RHOBTB1: variants seen among roughly 807,000 people sequenced by gnomAD.
RHOBTB1 encodes rho-related BTB domain-containing protein 1.
A neutral mutation model predicts 71.6 loss-of-function variants in RHOBTB1; 40 were observed. The observed-to-expected ratio is 0.56, with a 90% confidence interval of 0.43 to 0.73. The LOEUF (loss-of-function observed/expected upper bound fraction) is 0.73, where lower values mean the gene tolerates loss of function less well. RHOBTB1 is among the 30% of genes least tolerant of loss of function. The probability of loss-of-function intolerance (pLI) is 0.00; values close to 1 mark genes in which losing one functional copy is unlikely to be tolerated. For synonymous variants in RHOBTB1, 319 were observed against 334.9 expected, an observed-to-expected ratio of 0.95 and a Z score of 0.52; for missense variants, 797 against 894.0, an observed-to-expected ratio of 0.89 and a Z score of 1.38.
At chr10:60,920,635 T>A (rs1168947396) in intron 2 of RHOBTB1, among the ~76,000 whole-genome samples, 2 of 151,802 alleles carry the variant, frequency 1.3e-5, no homozygotes, top group Non-Finnish European at 2.9e-5. Flanking sequence ...TTTTTTTTTT[T>A]TAAGTTTTGT....
At chr10:60,874,485 A>AGG (rs1333585255) in intron 9 of RHOBTB1, among the ~76,000 whole-genome samples, 1 of 152,216 alleles carries the variant, frequency 6.6e-6, no homozygotes, top group Non-Finnish European at 1.5e-5. Flanking sequence ...CTGGAAGAAG[A>AGG]GGGCAAGTCT....
intron 2 of RHOBTB1, among the ~76,000 whole-genome samples, chr10:60,983,389 A>AT (rs2086565315): frequency 6.6e-6 from 1 of 152,190 alleles, no homozygotes; most frequent in Non-Finnish European, 1.5e-5. Flanking sequence ...GGCATCAAAA[A>AT]TTGTTTTTCT....
chr10:60,900,535 T>C (rs1016256233), intron 4 of RHOBTB1, among the ~76,000 whole-genome samples: 4 of 152,214 alleles, frequency 2.6e-5, no homozygotes, highest in African/African-American at 9.7e-5. Context: ...TTTTCCACCG[T>C]ACTATGAGGT....
chr10:60,959,880 T>C (rs947663966), intron 2 of RHOBTB1, among the ~76,000 whole-genome samples: 1 of 152,200 alleles, frequency 6.6e-6, no homozygotes, highest in Non-Finnish European at 1.5e-5. Flanking sequence ...CTTTGAAGAT[T>C]AAATACAATT....
At chr10:60,877,450 G>A (rs115910550) in intron 8 of RHOBTB1, among the ~76,000 whole-genome samples, 2,595 of 152,314 alleles carry the variant, frequency 0.017, 82 homozygotes, top group African/African-American at 0.058. Context: ...ACAGGACAAA[G>A]TCACCTGGTC....
intron 2 of RHOBTB1, among the ~76,000 whole-genome samples, chr10:60,913,535 G>A (rs1003927571): frequency 6.6e-6 from 1 of 152,168 alleles, no homozygotes; most frequent in Non-Finnish European, 1.5e-5. Context: ...GTATAACATA[G>A]CAAAAGCATG....
intron 2 of RHOBTB1, among the ~76,000 whole-genome samples, chr10:60,931,562 A>T (rs1292166465): frequency 1.8e-4 from 28 of 152,208 alleles, no homozygotes; most frequent in Admixed American, 1.8e-3. Flanking sequence ...TTACTTCTAT[A>T]ATGAGAAAGA....
intron 5 of RHOBTB1, among the ~76,000 whole-genome samples, chr10:60,891,983 C>G (rs755475506): frequency 6.6e-6 from 1 of 152,172 alleles, no homozygotes; most frequent in African/African-American, 2.4e-5. Flanking sequence ...TTGCTCGGTT[C>G]TCATTCTTCT....
At chr10:60,899,850 A>G (rs565264276) in intron 4 of RHOBTB1, among the ~76,000 whole-genome samples, 14 of 152,350 alleles carry the variant, frequency 9.2e-5, no homozygotes, top group African/African-American at 3.1e-4. Flanking sequence ...ATTAGAAAAT[A>G]AAGCAGGGAA....
At chr10:60,862,536 C>T in the RHOBTB1 span, among the ~76,000 whole-genome samples, 2,057 of 104,154 alleles carry the variant, frequency 0.02, 26 homozygotes, top group East Asian at 0.041. Flanking sequence ...CCCTTTCTTT[C>T]TCTTTCTTTC....
At chr10:60,865,271 T>C (rs2080631605), downstream of RHOBTB1, among the ~76,000 whole-genome samples, 1 of 152,248 alleles carries the variant, frequency 6.6e-6, no homozygotes, top group Non-Finnish European at 1.5e-5. Flanking sequence ...TTAGATTTCA[T>C]ATGTAAAATA....
At chr10:60,906,895 C>T (rs2082707557) in intron 4 of RHOBTB1, among the ~76,000 whole-genome samples, 2 of 152,338 alleles carry the variant, frequency 1.3e-5, no homozygotes, top group East Asian at 1.9e-4. Flanking sequence ...ACCCAAATCT[C>T]GAATCGTAGC....
At chr10:60,980,719 T>C (rs1325875602) in intron 2 of RHOBTB1, among the ~76,000 whole-genome samples, 3 of 152,202 alleles carry the variant, frequency 2.0e-5, no homozygotes, top group African/African-American at 7.2e-5. Flanking sequence ...TAAACATTGA[T>C]GAAAGGTGAA....
intron 2 of RHOBTB1, among the ~76,000 whole-genome samples, chr10:60,924,094 A>C (rs1278397727): frequency 1.3e-5 from 2 of 152,138 alleles, no homozygotes; most frequent in Non-Finnish European, 2.9e-5. Context: ...ACAATGGAAG[A>C]CTCCAAATCT....
At chr10:60,972,308 TG>T (rs1470867424) in intron 2 of RHOBTB1, among the ~76,000 whole-genome samples, 1 of 152,100 alleles carries the variant, frequency 6.6e-6, no homozygotes, top group East Asian at 1.9e-4. Context: ...CATGATAGAC[TG>T]GATAAAGAAA....
At chr10:60,958,010 T>C (rs762531638) in intron 2 of RHOBTB1, among the ~76,000 whole-genome samples, 2 of 152,174 alleles carry the variant, frequency 1.3e-5, no homozygotes, top group Non-Finnish European at 2.9e-5. Flanking sequence ...CACTTGTGAG[T>C]GTCTGCCAGA....
At chr10:61,001,715 G>C (rs938441126), upstream of RHOBTB1, among the ~76,000 whole-genome samples, 2 of 152,128 alleles carry the variant, frequency 1.3e-5, no homozygotes, top group African/African-American at 2.4e-5. Flanking sequence ...GCCTCCCCCC[G>C]CCCCCCAGGG....
intron 2 of RHOBTB1, among the ~76,000 whole-genome samples, chr10:60,950,989 T>C (rs2085390630): frequency 1.3e-5 from 2 of 152,230 alleles, no homozygotes; most frequent in Non-Finnish European, 2.9e-5. Flanking sequence ...ACAAGTTAGC[T>C]AAACTACATG....
chr10:60,944,450 G>T (rs534506317), upstream of RHOBTB1, among the ~76,000 whole-genome samples: 1 of 152,294 alleles, frequency 6.6e-6, no homozygotes, highest in South Asian at 2.1e-4. Context: ...ACGCAGACCC[G>T]ACGGGCCCGG....
Sources: gnomAD v4.1 joint callset for allele counts (sites outside exome capture counted in the v4.1 genomes callset) on GRCh38, gnomAD v4.1.1 for gene constraint, MANE v1.5 for transcripts, NCBI Gene and HGNC (gene_info 2026-07-23, HGNC 2026-07-21) for gene names.